P3H2: variants seen among roughly 807,000 people sequenced by gnomAD.
P3H2 encodes leprecan-like 1.
P3H2 carries 80 observed loss-of-function variants against 87.0 expected under a neutral mutation model. The observed-to-expected ratio is 0.92, with a 90% CI of 0.77 to 1.11. P3H2 has a LOEUF of 1.11. P3H2 is among the 50% of genes least tolerant of loss of function. The pLI, the probability that P3H2 is intolerant of heterozygous loss-of-function variation, is 0.00. For missense variants in P3H2, 1,001 were observed against 923.9 expected, an observed-to-expected ratio of 1.08 and a Z score of -1.08; for synonymous variants, 367 against 359.3, an observed-to-expected ratio of 1.02 and a Z score of -0.24.
intron 1 of P3H2, 110 bp from the exon 2 acceptor site, chr3:189,995,552 C>T: frequency 1.2e-6 from 1 of 831,604 alleles, no homozygotes; most frequent in Admixed American, 3.9e-5. Context: ...AACTAGGAGC[C>T]TTGGTTTTTT....
chr3:190,037,103 A>T (rs1725449077), intron 1 of P3H2, among the ~76,000 whole-genome samples: 1 of 152,150 alleles, frequency 6.6e-6, no homozygotes, highest in Admixed American at 6.6e-5. Flanking sequence ...CATATAGCTC[A>T]TCTCATTTGA....
chr3:189,957,828 T>C lies in P3H2; in HGVS notation c.*84A>G, dbSNP rs1722684489. The C allele has an allele frequency of 4.4e-6, 4 of 913,618 alleles. No homozygotes were observed. Among genetic ancestry groups the C allele is most frequent in the Non-Finnish European group, 5.3e-6 (3 of 564,590 alleles). 56.6% of individuals were successfully genotyped at this position (913,618 alleles called of 1,614,324 possible). ...TGACTGACATTAACCTGTTAATTTA[T>C]ACCATGGCTCTGTACAAAAATAAAA... is the stretch of plus-strand genomic sequence containing the variant. On this transcript the variant is annotated 3_prime_UTR_variant, in exon 15 of 15. Coordinates refer to ENST00000319332, the MANE Select transcript of P3H2 (RefSeq NM_018192.4).
At chr3:190,024,530 CAA>C (rs71635314) in intron 1 of P3H2, among the ~76,000 whole-genome samples, 1,142 of 52,870 alleles carry the variant, frequency 0.022, 3 homozygotes, top group African/African-American at 0.069. Context: ...GGTTCCCTCT[CAA>C]AAAAAAAAAA....
chr3:189,987,477 C>CT, intron 5 of P3H2, 50 bp downstream of exon 5: 1 of 1,329,564 alleles, frequency 7.5e-7, no homozygotes. Context: ...GAAACTCTGT[C>CT]TTAAAAAAAA....
At chr3:190,029,960 C>A (rs1237460342) in intron 1 of P3H2, among the ~76,000 whole-genome samples, 1 of 150,916 alleles carries the variant, frequency 6.6e-6, no homozygotes, top group Admixed American at 6.6e-5. Context: ...CAAGGTCGTG[C>A]CACTGCACTC....
intron 3 of P3H2, among the ~76,000 whole-genome samples, chr3:189,991,499 A>G (rs1723875508): frequency 6.6e-6 from 1 of 152,208 alleles, no homozygotes; most frequent in Admixed American, 6.5e-5. Flanking sequence ...TCCTTCATTC[A>G]TTCATTAATC....
intron 1 of P3H2, among the ~76,000 whole-genome samples, chr3:190,029,868 G>C (rs139455518): frequency 2.4e-3 from 364 of 152,124 alleles, no homozygotes; most frequent in African/African-American, 8.5e-3. Flanking sequence ...AGGGCATGGT[G>C]GTGGGCACCT....
intron 13 of P3H2, chr3:189,969,947 A>G (rs957132143): frequency 1.3e-5 from 9 of 710,210 alleles, no homozygotes; most frequent in East Asian, 2.6e-5. Context: ...AGTCGAAAAT[A>G]TATTTTTCTA....
chr3:189,975,625 T>C (rs3773936), intron 8 of P3H2, among the ~76,000 whole-genome samples: 81,507 of 151,994 alleles, frequency 0.54, 22,443 homozygotes, highest in East Asian at 0.8. Context: ...AAGGCACAAC[T>C]CCCTGCCACC....
chr3:189,987,852 T>C (rs886650086), intron 4 of P3H2, 183 bp from the exon 5 acceptor site: 4 of 684,268 alleles, frequency 5.8e-6, no homozygotes, highest in South Asian at 1.8e-5. Context: ...ATTTCAAGTA[T>C]TCAAAAGTTA....
intron 1 of P3H2, among the ~76,000 whole-genome samples, chr3:190,016,613 G>GA (rs1431935308): frequency 6.6e-6 from 1 of 152,092 alleles, no homozygotes; most frequent in Non-Finnish European, 1.5e-5. Flanking sequence ...AAACTGGTTA[G>GA]AAAAAATAAT....
intron 8 of P3H2, among the ~76,000 whole-genome samples, chr3:189,977,782 A>C (rs1416544329): frequency 1.3e-5 from 2 of 150,086 alleles, no homozygotes; most frequent in African/African-American, 2.5e-5. Context: ...TTTTTTTGTC[A>C]GGGTCTTGTT....
chr3:190,072,395 T>C (rs1347635735), intron 1 of P3H2, among the ~76,000 whole-genome samples: 1 of 152,200 alleles, frequency 6.6e-6, no homozygotes, highest in African/African-American at 2.4e-5. Flanking sequence ...GCATTGGCAG[T>C]GGCTCTAGGA....
At chr3:189,992,057 T>G (rs1405501306) in intron 3 of P3H2, among the ~76,000 whole-genome samples, 1 of 152,076 alleles carries the variant, frequency 6.6e-6, no homozygotes, top group East Asian at 1.9e-4. Flanking sequence ...AAAGGTAACT[T>G]GGTTTGAGTT....
chr3:190,001,039 C>T (rs951890169), intron 1 of P3H2, among the ~76,000 whole-genome samples: 18 of 152,142 alleles, frequency 1.2e-4, no homozygotes, highest in African/African-American at 3.9e-4. Context: ...TTTCCTGCCT[C>T]GATTCCTTTC....
At chr3:190,001,224 GAAC>G (rs1490993419) in intron 1 of P3H2, among the ~76,000 whole-genome samples, 1 of 152,114 alleles carries the variant, frequency 6.6e-6, no homozygotes, top group Non-Finnish European at 1.5e-5. Flanking sequence ...ACGAAATTAA[GAAC>G]AACTTGTAAG....
chr3:190,114,025 A>C (rs1712177873), intron 1 of P3H2, among the ~76,000 whole-genome samples: 1 of 127,058 alleles, frequency 7.9e-6, no homozygotes, highest in Non-Finnish European at 1.6e-5. Flanking sequence ...GCTTGCAGTG[A>C]GCCGAGATGT....
At chr3:189,989,978 C>CA (rs1723828523) in intron 3 of P3H2, among the ~76,000 whole-genome samples, 2 of 152,336 alleles carry the variant, frequency 1.3e-5, no homozygotes, top group Admixed American at 1.3e-4. Flanking sequence ...AAGATTCATT[C>CA]ATGGCTGCGC....
At chr3:190,064,543 A>G (rs2108968746) in intron 1 of P3H2, among the ~76,000 whole-genome samples, 1 of 152,246 alleles carries the variant, frequency 6.6e-6, no homozygotes, top group South Asian at 2.1e-4. Context: ...GTACATTTCC[A>G]GTCTTTGTGC....
Sources: allele counts gnomAD v4.1 joint callset (sites outside exome capture counted in the v4.1 genomes callset), GRCh38; gene constraint gnomAD v4.1.1; transcripts MANE v1.5; gene names NCBI Gene and HGNC (gene_info 2026-07-23, HGNC 2026-07-21).